PTGER4: variants seen among roughly 807,000 people sequenced by gnomAD.
PTGER4 encodes the protein prostaglandin E2 receptor EP4 subtype.
Under a neutral mutation model 33.2 loss-of-function variants are expected in PTGER4, and 11 were observed. The observed-to-expected ratio is 0.33, with a 90% confidence interval of 0.21 to 0.55. PTGER4 has a LOEUF of 0.55. PTGER4 is among the 20% of genes least tolerant of loss of function. PTGER4 has a pLI of 0.92. For synonymous variants in PTGER4, 275 were observed against 281.5 expected (o/e 0.98, Z 0.23); for missense variants, 481 against 650.2 (o/e 0.74, Z 2.83).
the PTGER4 span, among the ~76,000 whole-genome samples, chr5:40,733,852 G>GT: frequency 6.6e-6 from 1 of 152,088 alleles, no homozygotes. Context: ...ACCATCACTA[G>GT]TTTTTTCTTT....
Position 40,681,858 on chromosome 5 carries a change from G to T in PTGER4, c.865G>T (p.Val289Leu). The T allele has an allele frequency of 6.6e-7, 1 of 1,510,302 alleles. No homozygotes were observed. The highest frequency in any genetic ancestry group is 8.8e-7 in the Non-Finnish European group (1 of 1,133,994). The allele number at this position is 1,510,302 out of a possible 1,614,324, so 93.6% of individuals were successfully genotyped here. Reference protein sequence around the residue: ...LVVLICSIPLVVRVFVNQLYQ... With the variant: ...LVVLICSIPLLVRVFVNQLYQ... The stretch of plus-strand genomic sequence containing the variant: ...GGTGCTCATCTGCTCCATCCCGCTC[G>T]TGGTGAGTGACCGGGGCTGGGGCCC... The change falls in exon 2 of 3, where the codon GTG (valine) becomes TTG (leucine). Residue 289 changes from valine (V) to leucine (L), a missense_variant and splice_region_variant. Val to Leu is a conservative substitution (Grantham distance 32, BLOSUM62 1). Coordinates refer to ENST00000302472, the MANE Select transcript of PTGER4 (RefSeq NM_000958.3). The surrounding 1 kb of genome is among the most constrained non-coding windows in gnomAD (Gnocchi z 9.8).
Position 40,692,636 on chromosome 5 carries a change from T to C in PTGER4, c.*258T>C. 8.4e-7 allele frequency: 1 copy of C among 1,189,522 alleles called. No homozygotes were observed. The highest frequency in any genetic ancestry group is 1.0e-6 in the Non-Finnish European group (1 of 957,446). 73.7% of individuals were successfully genotyped at this position (1,189,522 alleles called of 1,614,324 possible). A position where few individuals can be genotyped will look rare whatever the true frequency, so the allele number is the denominator to read the frequency against. ...ACTTGATGGCTGCGAAGACCTACCC[T>C]CCGTTTTTCTACTAGATAGGAGGAT... is the stretch of plus-strand genomic sequence containing the variant. On this transcript the variant is annotated 3_prime_UTR_variant, in exon 3 of 3. Transcript: ENST00000302472.
chr5:40,718,745 A>T, the PTGER4 span, among the ~76,000 whole-genome samples: 1 of 151,908 alleles, frequency 6.6e-6, no homozygotes, highest in South Asian at 2.1e-4. Flanking sequence ...CTCGAAAAAA[A>T]AAAAAATTAG....
downstream of PTGER4, among the ~76,000 whole-genome samples, chr5:40,696,458 A>T (rs910759182): frequency 1.3e-5 from 2 of 152,202 alleles, no homozygotes; most frequent in Non-Finnish European, 2.9e-5. Flanking sequence ...ACCCAAAAAA[A>T]CAAGACGCTT....
chr5:40,708,824 C>T, the PTGER4 span, among the ~76,000 whole-genome samples: 1 of 152,276 alleles, frequency 6.6e-6, no homozygotes, highest in South Asian at 2.1e-4. Context: ...CATCAAAAAG[C>T]TTATCCACCA....
chr5:40,709,144 A>C, the PTGER4 span, among the ~76,000 whole-genome samples: 2 of 152,190 alleles, frequency 1.3e-5, no homozygotes, highest in Admixed American at 6.6e-5. Flanking sequence ...GCCCTCTCTC[A>C]CCACTCCTAT....
At chr5:40,713,429 C>A in the PTGER4 span, among the ~76,000 whole-genome samples, 4 of 152,132 alleles carry the variant, frequency 2.6e-5, no homozygotes, top group Non-Finnish European at 5.9e-5. Context: ...TATAGTTTTA[C>A]CATACGGCAT....
the PTGER4 span, among the ~76,000 whole-genome samples, chr5:40,704,191 A>T: frequency 6.6e-6 from 1 of 152,184 alleles, no homozygotes; most frequent in East Asian, 1.9e-4. Context: ...ACATATGAAA[A>T]TCAATAAACG....
chr5:40,740,126 T>C, the PTGER4 span, among the ~76,000 whole-genome samples: 2 of 152,144 alleles, frequency 1.3e-5, no homozygotes, highest in Non-Finnish European at 2.9e-5. Context: ...TATTTACTTC[T>C]ATATAACTTT....
the PTGER4 span, among the ~76,000 whole-genome samples, chr5:40,746,598 T>C: frequency 2.6e-5 from 4 of 152,282 alleles, no homozygotes; most frequent in Admixed American, 2.6e-4. Flanking sequence ...TTTTACAAAC[T>C]TTCATTGCAT....
In PTGER4 at chr5:40,680,920, G is replaced by T; in HGVS notation, c.-43-31G>T. On this transcript the variant is annotated intron_variant, in intron 1 of 2. Transcript: ENST00000302472. This position sits in a 1 kb window ranked among gnomAD's most constrained non-coding sequence, Gnocchi z 5.5. ...CTTACAAGTGGTAATTTCCGCTCACGGCAGCTTTGTCTCTCTTCTACCATC... is the reference window on the plus strand; with the variant it reads ...CTTACAAGTGGTAATTTCCGCTCACTGCAGCTTTGTCTCTCTTCTACCATC... 1.3e-6 allele frequency: 2 copies of T among 1,522,028 alleles called. No homozygotes were observed. Among genetic ancestry groups the T allele is most frequent in the South Asian group, 2.6e-5 (2 of 77,550 alleles). 94.3% of individuals were successfully genotyped at this position (1,522,028 alleles called of 1,614,324 possible). A position where few individuals can be genotyped will look rare whatever the true frequency, so the allele number is the denominator to read the frequency against.
intron 2 of PTGER4, among the ~76,000 whole-genome samples, chr5:40,689,466 A>C (rs1351841417): frequency 6.6e-6 from 1 of 152,230 alleles, no homozygotes; most frequent in East Asian, 1.9e-4. Context: ...AAAGGAAGAA[A>C]AAAATAATTC....
the PTGER4 span, among the ~76,000 whole-genome samples, chr5:40,708,757 G>C: frequency 1.1e-4 from 16 of 152,304 alleles, no homozygotes; most frequent in Admixed American, 7.8e-4. Context: ...CAATATCCCT[G>C]ATGAACATCG....
At chr5:40,699,772 AC>A in the PTGER4 span, among the ~76,000 whole-genome samples, 1 of 152,232 alleles carries the variant, frequency 6.6e-6, no homozygotes, top group Non-Finnish European at 1.5e-5. Flanking sequence ...ACTACAATTA[AC>A]AAAATTCAAC....
the PTGER4 span, among the ~76,000 whole-genome samples, chr5:40,708,582 C>G: frequency 6.6e-6 from 1 of 152,178 alleles, no homozygotes; most frequent in Non-Finnish European, 1.5e-5. Context: ...GATGGATTCA[C>G]AGCCGAATTC....
At chr5:40,687,370 A>G (rs1382654979) in intron 2 of PTGER4, among the ~76,000 whole-genome samples, 1 of 152,144 alleles carries the variant, frequency 6.6e-6, no homozygotes, top group African/African-American at 2.4e-5. Flanking sequence ...TCGGAGGTTC[A>G]GTTTTATCAG....
chr5:40,732,497 T>C, the PTGER4 span, among the ~76,000 whole-genome samples: 1 of 151,774 alleles, frequency 6.6e-6, no homozygotes, highest in African/African-American at 2.4e-5. Flanking sequence ...TAATTCCTCC[T>C]TGTATTTTTG....
chr5:40,726,952 GTT>G, the PTGER4 span, among the ~76,000 whole-genome samples: 4 of 152,088 alleles, frequency 2.6e-5, no homozygotes, highest in Non-Finnish European at 5.9e-5. Context: ...AAAGAGAGAA[GTT>G]GACAGTGCTA....
chr5:40,733,913 C>T, the PTGER4 span, among the ~76,000 whole-genome samples: 4 of 152,190 alleles, frequency 2.6e-5, no homozygotes, highest in Non-Finnish European at 5.9e-5. Flanking sequence ...GACATACACA[C>T]ACACACGTGT....
Sources: allele counts gnomAD v4.1 joint callset (sites outside exome capture counted in the v4.1 genomes callset), GRCh38; gene constraint gnomAD v4.1.1; non-coding constraint Gnocchi (gnomAD v3.1); transcripts MANE v1.5; gene names NCBI Gene and HGNC (gene_info 2026-07-23, HGNC 2026-07-21).